Variants in CNTNAP2 observed in about 807,000 individuals in gnomAD.
CNTNAP2 encodes the protein contactin-associated protein-like 2.
In CNTNAP2, 98 loss-of-function variants were observed where a neutral mutation model predicts 155.2. The ratio of observed to expected loss-of-function variants is 0.63; its 90% CI spans 0.54 to 0.75. The LOEUF (loss-of-function observed/expected upper bound fraction) is 0.75. Ranked by LOEUF, CNTNAP2 falls within the 30% of genes least tolerant of loss-of-function variation. CNTNAP2 has a pLI of 0.00. For missense variants in CNTNAP2, 1,727 were observed against 1,688.1 expected, an observed-to-expected ratio of 1.02 and a Z score of -0.40; for synonymous variants, 651 against 631.2, an observed-to-expected ratio of 1.03 and a Z score of -0.47.
At chr7:148,065,019 T>C (rs1803228333) in intron 15 of CNTNAP2, among the ~76,000 whole-genome samples, 1 of 152,200 alleles carries the variant, frequency 6.6e-6, no homozygotes, top group Non-Finnish European at 1.5e-5. Context: ...GAAGAATTTT[T>C]TAATTTCCAT....
At chr7:147,883,166 C>T (rs914402331) in intron 13 of CNTNAP2, among the ~76,000 whole-genome samples, 1 of 152,094 alleles carries the variant, frequency 6.6e-6, no homozygotes, top group African/African-American at 2.4e-5. Flanking sequence ...AAAATGGGCT[C>T]CTCTTCTCTG....
At chr7:147,690,893 T>G (rs957275096) in intron 13 of CNTNAP2, among the ~76,000 whole-genome samples, 1 of 152,136 alleles carries the variant, frequency 6.6e-6, no homozygotes, top group African/African-American at 2.4e-5. Flanking sequence ...CTTATTATAC[T>G]TCCCCCTACT....
chr7:147,803,834 A>T (rs1798046290), intron 13 of CNTNAP2, among the ~76,000 whole-genome samples: 1 of 152,228 alleles, frequency 6.6e-6, no homozygotes, highest in Non-Finnish European at 1.5e-5. Flanking sequence ...TGTGTTGTTT[A>T]TACTCAGTAA....
intron 4 of CNTNAP2, among the ~76,000 whole-genome samples, chr7:147,068,529 T>C (rs1799827492): frequency 6.6e-6 from 1 of 152,090 alleles, no homozygotes; most frequent in African/African-American, 2.4e-5. Flanking sequence ...AAGCTAACTT[T>C]TGTATTTTTA....
At chr7:147,063,967 T>C (rs1192515121) in intron 4 of CNTNAP2, among the ~76,000 whole-genome samples, 1 of 152,132 alleles carries the variant, frequency 6.6e-6, no homozygotes, top group Non-Finnish European at 1.5e-5. Flanking sequence ...TACAGCAGCT[T>C]TCGAGAAAGA....
chr7:146,131,232 A>C (rs1797709061), intron 1 of CNTNAP2, among the ~76,000 whole-genome samples: 1 of 152,164 alleles, frequency 6.6e-6, no homozygotes, highest in Non-Finnish European at 1.5e-5. Context: ...CTACTGTTTC[A>C]AAAGTTTGCT....
At chr7:147,480,949 G>A (rs924692303) in intron 10 of CNTNAP2, among the ~76,000 whole-genome samples, 3 of 152,128 alleles carry the variant, frequency 2.0e-5, no homozygotes, top group African/African-American at 7.2e-5. Flanking sequence ...ACAAAGGTTT[G>A]AGAAACACTA....
At chr7:146,819,738 C>T (rs1014338038) in intron 2 of CNTNAP2, among the ~76,000 whole-genome samples, 6 of 152,098 alleles carry the variant, frequency 3.9e-5, no homozygotes, top group Non-Finnish European at 5.9e-5. Flanking sequence ...TTTCTCTAAT[C>T]GTTTTTTTCC....
chr7:147,701,192 C>G (rs984093666), intron 13 of CNTNAP2, among the ~76,000 whole-genome samples: 1 of 152,072 alleles, frequency 6.6e-6, no homozygotes, highest in Admixed American at 6.6e-5. Flanking sequence ...GATGTTGGAC[C>G]ATTGTAGCTG....
At chr7:147,022,608 GTT>G (rs71165062) in intron 3 of CNTNAP2, among the ~76,000 whole-genome samples, 4 of 138,920 alleles carry the variant, frequency 2.9e-5, no homozygotes, top group Admixed American at 7.2e-5. Flanking sequence ...CAAACACATG[GTT>G]TTTTTTTTTT....
intron 1 of CNTNAP2, among the ~76,000 whole-genome samples, chr7:146,472,268 T>A (rs1584941021): frequency 2.0e-5 from 3 of 151,996 alleles, no homozygotes. Flanking sequence ...AACAAATGAG[T>A]CCACATTTAT....
intron 3 of CNTNAP2, among the ~76,000 whole-genome samples, chr7:146,954,077 G>T (rs1472194733): frequency 2.6e-5 from 4 of 151,912 alleles, no homozygotes; most frequent in South Asian, 2.1e-4. Flanking sequence ...TGTTTTTCTT[G>T]AATTACTCCA....
At chr7:146,471,713 A>C (rs938183833) in intron 1 of CNTNAP2, among the ~76,000 whole-genome samples, 1 of 152,256 alleles carries the variant, frequency 6.6e-6, no homozygotes, top group African/African-American at 2.4e-5. Context: ...AGTTAACACA[A>C]AATTATTTTA....
intron 1 of CNTNAP2, among the ~76,000 whole-genome samples, chr7:146,247,225 G>A (rs1488799783): frequency 6.6e-6 from 1 of 152,166 alleles, no homozygotes; most frequent in Non-Finnish European, 1.5e-5. Flanking sequence ...ACTGATTTGG[G>A]AGAGGTCTGA....
intron 1 of CNTNAP2, among the ~76,000 whole-genome samples, chr7:146,542,602 C>A (rs1173132665): frequency 6.6e-6 from 1 of 151,910 alleles, no homozygotes; most frequent in Non-Finnish European, 1.5e-5. Flanking sequence ...AGAGACCCCC[C>A]CTTACTTCCT....
chr7:146,576,734 C>A (rs1288922070), intron 1 of CNTNAP2, among the ~76,000 whole-genome samples: 1 of 152,086 alleles, frequency 6.6e-6, no homozygotes, highest in Non-Finnish European at 1.5e-5. Context: ...TTCTCTTTAC[C>A]ATTTCCTCAT....
chr7:146,355,627 T>C (rs1794986225), intron 1 of CNTNAP2, among the ~76,000 whole-genome samples: 1 of 152,178 alleles, frequency 6.6e-6, no homozygotes, highest in Non-Finnish European at 1.5e-5. Context: ...TGCAGGGATG[T>C]TCTACTTCCT....
At chr7:147,267,784 GT>G (rs1804648121) in intron 8 of CNTNAP2, among the ~76,000 whole-genome samples, 1 of 152,164 alleles carries the variant, frequency 6.6e-6, no homozygotes, top group African/African-American at 2.4e-5. Flanking sequence ...TGTTGAGTGT[GT>G]TTTCGATTAT....
intron 10 of CNTNAP2, among the ~76,000 whole-genome samples, chr7:147,450,542 T>C (rs898807009): frequency 2.0e-5 from 3 of 152,192 alleles, no homozygotes; most frequent in African/African-American, 7.2e-5. Flanking sequence ...TGTGTGGTTT[T>C]AAGCTGATGA....
Sources: allele counts gnomAD v4.1 joint callset (sites outside exome capture counted in the v4.1 genomes callset), GRCh38; gene constraint gnomAD v4.1.1; transcripts MANE v1.5; gene names NCBI Gene and HGNC (gene_info 2026-07-23, HGNC 2026-07-21).